Variants in TMEM182 observed in about 807,000 individuals in gnomAD.
The protein encoded by TMEM182 is transmembrane protein 182.
TMEM182 carries 20 observed loss-of-function variants against 26.8 expected under a neutral mutation model. The observed-to-expected ratio is 0.75, with a 90% CI of 0.53 to 1.09. TMEM182 has a LOEUF of 1.09. Among genes scored for constraint, TMEM182 ranks in the 50% least tolerant of loss-of-function variants. TMEM182 has a pLI of 0.00. For missense variants in TMEM182, 277 were observed against 275.5 expected (o/e 1.01, Z -0.04); for synonymous variants, 109 against 102.2 (o/e 1.07, Z -0.40).
chr2:102,843,516 C>T (rs1683394573), exon 4 of TMEM182: 1 of 152,248 alleles, frequency 6.6e-6, no homozygotes, highest in Non-Finnish European at 1.5e-5. Flanking sequence ...CCTTCAAGCC[C>T]TTATGCCACT....
chr2:102,787,188 C>T (rs993188903), intron 3 of TMEM182, among the ~76,000 whole-genome samples: 7 of 152,330 alleles, frequency 4.6e-5, no homozygotes, highest in African/African-American at 1.4e-4. Flanking sequence ...AAGGAGAAGA[C>T]GTGCTTTCAT....
intron 3 of TMEM182, among the ~76,000 whole-genome samples, chr2:102,825,877 G>C (rs1029294217): frequency 6.6e-6 from 1 of 152,184 alleles, no homozygotes. Context: ...AAAAGCACTG[G>C]AGGTGAACTT....
rs1679969287 is a variant in TMEM182 at position 102,754,269 on chromosome 2, G to A, written c.-82-4120G>A. ...AGAAAAGTAACACAATACATATACT[G>A]TGCATTACCTAACACCCACTCGTGG... On this transcript the variant is annotated intron_variant, in intron 1 of 5. Coordinates refer to the TMEM182 transcript ENST00000409173. Among the ~76,000 whole-genome samples, 3 of 152,200 alleles carry A rather than the reference G, an allele frequency of 2.0e-5. No homozygotes were observed. The South Asian group carries it at 6.2e-4, about 32-fold the overall frequency.
chr2:102,801,500 C>A (rs10169194), intron 4 of TMEM182, among the ~76,000 whole-genome samples: 2 of 151,950 alleles, frequency 1.3e-5, no homozygotes, highest in African/African-American at 2.4e-5. Context: ...ATGACCATTG[C>A]GGTGCAGCCC....
At chr2:102,789,434 A>G (rs555911752) in intron 3 of TMEM182, among the ~76,000 whole-genome samples, 2 of 152,342 alleles carry the variant, frequency 1.3e-5, no homozygotes, top group East Asian at 1.9e-4. Context: ...TGCAAAATCA[A>G]GAGGAAATGT....
At chr2:102,746,650 A>G (rs1450234646) in intron 1 of TMEM182, among the ~76,000 whole-genome samples, 2 of 151,936 alleles carry the variant, frequency 1.3e-5, no homozygotes, top group East Asian at 1.9e-4. Flanking sequence ...CTGGAGTGCA[A>G]TGGCGCGATC....
intron 3 of TMEM182, among the ~76,000 whole-genome samples, chr2:102,774,684 T>G (rs187268330): frequency 6.6e-6 from 1 of 152,210 alleles, no homozygotes; most frequent in Admixed American, 6.5e-5. Context: ...TGTGTCCAGT[T>G]GTTCCAACAC....
At chr2:102,784,123 A>G (rs1681286648) in intron 3 of TMEM182, among the ~76,000 whole-genome samples, 2 of 152,110 alleles carry the variant, frequency 1.3e-5, no homozygotes, top group South Asian at 4.1e-4. Flanking sequence ...AGCTACTCTT[A>G]TCTCTGTATC....
Position 102,814,945 on chromosome 2 carries a change from T to C in TMEM182, c.667T>C (p.Trp223Arg), listed in dbSNP as rs887987. ...TGGATTACTATTTCTGGTTGTTGGA[T>C]GGCATATTCAGATACATCACTAAAT... Reference protein sequence around the residue: ...LAGLLFLVVGWHIQIHH With the variant: ...LAGLLFLVVGRHIQIHH Residue 223 changes from tryptophan to arginine, a missense_variant, in exon 5 of 5, where the codon TGG (tryptophan) becomes CGG (arginine). Physicochemically the swap from Trp to Arg is moderately radical, Grantham distance 101 (BLOSUM62 -3). Coordinates refer to ENST00000412401, the MANE Select transcript of TMEM182 (RefSeq NM_144632.5). The C allele has an allele frequency of 0.97, 1,570,339 of 1,613,948 alleles. 764,054 individuals carry two copies. The highest frequency in any genetic ancestry group is 1 in the East Asian group (44,877 of 44,888).
rs778198805 is a variant in TMEM182 at position 102,764,393 on chromosome 2, C to T, written c.297C>T (p.Gly99=). The change falls in exon 3 of 5, where the codon GGC becomes GGT. Residue 99 remains glycine (G), a synonymous_variant. Coordinates refer to ENST00000412401, the MANE Select transcript of TMEM182 (RefSeq NM_144632.5). ...TGTCTCCGTACCCCTTCATGAGAGGCGAGCACAACTCGACCTCCTATGACT... is the reference window on the plus strand; with the variant it reads ...TGTCTCCGTACCCCTTCATGAGAGGTGAGCACAACTCGACCTCCTATGACT... ...AYLSPYPFMR[G]EHNSTSYDSA... 8.1e-6 allele frequency: 13 copies of T among 1,613,764 alleles called. No homozygotes were observed. Among genetic ancestry groups the T allele is most frequent in the East Asian group, 2.2e-5 (1 of 44,888 alleles).
At position 102,748,933 on chromosome 2, in the gene TMEM182, C is replaced by T. The variant is rs145161469; in HGVS notation, c.-82-9456C>T. Among the ~76,000 whole-genome samples, 1,115 of 152,194 alleles carry T rather than the reference C, an allele frequency of 7.3e-3. 6 individuals carry two copies. Among genetic ancestry groups the T allele is most frequent in the Non-Finnish European group, 0.011 (773 of 67,982 alleles). On this transcript the variant is annotated intron_variant, in intron 1 of 5. Transcript: ENST00000409173. ...GGAAAAGAAGAATGTAATTTCAAGA[C>T]GTCTGCAAGTTCAAGGATAACTCTA...
upstream of TMEM182, among the ~76,000 whole-genome samples, chr2:102,760,342 C>T (rs1005955567): frequency 1.8e-4 from 27 of 152,268 alleles, no homozygotes; most frequent in Admixed American, 1.8e-3. Context: ...ACTTGTGCTT[C>T]ACAATCTCAA....
At chr2:102,836,940 A>T (rs899394112) in intron 3 of TMEM182, among the ~76,000 whole-genome samples, 2 of 152,182 alleles carry the variant, frequency 1.3e-5, no homozygotes, top group Non-Finnish European at 2.9e-5. Context: ...TAATGCTCTG[A>T]TTGGAGACAG....
chr2:102,782,949 A>G (rs1241337746), intron 3 of TMEM182, among the ~76,000 whole-genome samples: 6 of 152,186 alleles, frequency 3.9e-5, no homozygotes, highest in Admixed American at 3.3e-4. Flanking sequence ...ACCCAAGTTC[A>G]TTGCTTCAAG....
upstream of TMEM182, among the ~76,000 whole-genome samples, chr2:102,759,334 A>G (rs1215048420): frequency 6.6e-6 from 1 of 152,154 alleles, no homozygotes; most frequent in African/African-American, 2.4e-5. Flanking sequence ...CAACCACACT[A>G]ATCCAGGGAG....
At chr2:102,763,044 T>TAC (rs1161667788) in intron 2 of TMEM182, among the ~76,000 whole-genome samples, 3 of 152,210 alleles carry the variant, frequency 2.0e-5, no homozygotes, top group East Asian at 3.8e-4. Context: ...ATTTTTTTGC[T>TAC]ATCAGCCCTT....
intron 3 of TMEM182, among the ~76,000 whole-genome samples, chr2:102,790,571 GAC>G (rs1014748969): frequency 2.0e-4 from 30 of 152,150 alleles, no homozygotes. Context: ...CACTCATACA[GAC>G]ACACACACAT....
At chr2:102,766,962 TAAG>T (rs988640814) in intron 3 of TMEM182, among the ~76,000 whole-genome samples, 5 of 152,174 alleles carry the variant, frequency 3.3e-5, no homozygotes, top group African/African-American at 1.2e-4. Context: ...CCTTTTATAA[TAAG>T]GAGACTGGGA....
chr2:102,788,567 T>A lies in TMEM182; in HGVS notation c.332-9296T>A, dbSNP rs954388610. Among the ~76,000 whole-genome samples the A allele has an allele frequency of 6.6e-5, 10 of 152,054 alleles. 1 individual carries two copies. Among genetic ancestry groups the A allele is most frequent in the Admixed American group, 4.6e-4 (7 of 15,276 alleles). On this transcript the variant is annotated intron_variant, in intron 3 of 4. Transcript: ENST00000412401. ...CAGCCACCACCCATAGGACCACTAA[T>A]ACTGCAAAGCCACCCTTCCTGGTAC...
Sources: gnomAD v4.1 joint callset for allele counts (sites outside exome capture counted in the v4.1 genomes callset) on GRCh38, gnomAD v4.1.1 for gene constraint, MANE v1.5 for transcripts, NCBI Gene and HGNC (gene_info 2026-07-23, HGNC 2026-07-21) for gene names.